FHIP2A: variants seen among roughly 807,000 people sequenced by gnomAD.
FHIP2A encodes FHF complex subunit HOOK interacting protein 2A.
A neutral mutation model predicts 93.5 loss-of-function variants in FHIP2A; 46 were observed. The ratio of observed to expected loss-of-function variants is 0.49; its 90% confidence interval spans 0.39 to 0.63. FHIP2A has a LOEUF of 0.63. Among genes scored for constraint, FHIP2A ranks in the 20% least tolerant of loss-of-function variants. The pLI, the probability that FHIP2A is intolerant of heterozygous loss-of-function variation, is 0.00. For missense variants in FHIP2A, 769 were observed against 909.7 expected, an observed-to-expected ratio of 0.85 and a Z score of 1.99; for synonymous variants, 332 against 326.5, an observed-to-expected ratio of 1.02 and a Z score of -0.18.
chr10:114,832,069 C>T (rs1404692533), intron 2 of FHIP2A, among the ~76,000 whole-genome samples: 1 of 152,048 alleles, frequency 6.6e-6, no homozygotes, highest in African/African-American at 2.4e-5. Context: ...AAAATAGAGA[C>T]ATAAGTAAAG....
intron 16 of FHIP2A, among the ~76,000 whole-genome samples, chr10:114,875,930 AAGAG>A (rs71007498): frequency 6.8e-5 from 10 of 146,312 alleles, no homozygotes; most frequent in Admixed American, 5.5e-4. Context: ...GAAAGAAAGA[AAGAG>A]AAAGAAAAAG....
chr10:114,851,169 C>T (rs1425630616), intron 13 of FHIP2A, among the ~76,000 whole-genome samples: 5 of 152,170 alleles, frequency 3.3e-5, no homozygotes, highest in Admixed American at 6.5e-5. Context: ...CCACCTTGGC[C>T]TCTCAAAGTG....
intron 14 of FHIP2A, among the ~76,000 whole-genome samples, chr10:114,856,787 C>G (rs973570277): frequency 6.6e-6 from 1 of 152,170 alleles, no homozygotes; most frequent in African/African-American, 2.4e-5. Context: ...CATAGCACAG[C>G]GCTGATTCAT....
At chr10:114,843,703 C>G in intron 6 of FHIP2A, 38 bp from the exon 7 acceptor site, 3 of 1,430,930 alleles carry the variant, frequency 2.1e-6, no homozygotes, top group African/African-American at 2.9e-5. Context: ...GATGTATATA[C>G]AATTCAAGAA....
chr10:114,875,427 C>G (rs2083879946), intron 16 of FHIP2A, among the ~76,000 whole-genome samples: 1 of 152,138 alleles, frequency 6.6e-6, no homozygotes, highest in Non-Finnish European at 1.5e-5. Context: ...GGCGCAGTGG[C>G]TCATGCCTGT....
chr10:114,860,737 A>C lies in FHIP2A; in HGVS notation c.1948-12A>C, dbSNP rs377621184. The C allele has an allele frequency of 2.5e-6, 4 of 1,574,870 alleles. No individual in the cohort carries two copies. The highest frequency in any genetic ancestry group is 2.7e-5 in the African/African-American group (2 of 74,018). ...ATTTTTAAATGTCTTTCTGTTTTTT[A>C]TCTCTCCATAGCCATATGATGTAAA... On this transcript the variant is annotated splice_polypyrimidine_tract_variant and intron_variant, in intron 14 of 16. Transcript: ENST00000369248.
chr10:114,855,974 AGAG>A, intron 14 of FHIP2A, among the ~76,000 whole-genome samples: 1 of 152,206 alleles, frequency 6.6e-6, no homozygotes, highest in Non-Finnish European at 1.5e-5. Flanking sequence ...CTTAGTGATG[AGAG>A]AGCTTTGAAA....
Position 114,845,620 on chromosome 10 carries a change from G to A in FHIP2A, c.1128+139G>A, listed in dbSNP as rs2083696328. 4.9e-6 allele frequency: 3 copies of A among 610,542 alleles called. No individual in the cohort carries two copies. In the South Asian group the frequency reaches 6.4e-5, roughly 13 times the overall value. The allele number at this position is 610,542 out of a possible 1,614,324, so 37.8% of individuals were successfully genotyped here. A position where few individuals can be genotyped will look rare whatever the true frequency, so the allele number is the denominator to read the frequency against. ...GTTAGTAAAATAAGTAAACAAAAAAGTGTATATGTGTTTGTATGTGTGTAT... is the reference window on the plus strand; with the variant it reads ...GTTAGTAAAATAAGTAAACAAAAAAATGTATATGTGTTTGTATGTGTGTAT... On this transcript the variant is annotated intron_variant, in intron 8 of 16. Coordinates refer to ENST00000369248, the MANE Select transcript of FHIP2A (RefSeq NM_020940.4).
intron 16 of FHIP2A, among the ~76,000 whole-genome samples, chr10:114,885,465 G>C (rs1477599943): frequency 6.6e-6 from 1 of 151,882 alleles, no homozygotes; most frequent in African/African-American, 2.4e-5. Context: ...TTTTAAGGCT[G>C]GGAATTGTTT....
chr10:114,826,950 C>T (rs920961859), intron 1 of FHIP2A, among the ~76,000 whole-genome samples: 6 of 152,086 alleles, frequency 3.9e-5, no homozygotes, highest in Admixed American at 6.5e-5. Context: ...GCCGAGATCA[C>T]GCCATTGCAC....
At chr10:114,893,698 T>C (rs1319119260) in intron 16 of FHIP2A, among the ~76,000 whole-genome samples, 2 of 152,164 alleles carry the variant, frequency 1.3e-5, no homozygotes, top group Non-Finnish European at 1.5e-5. Context: ...TGTGTGTGTG[T>C]GTCCGTCCCT....
At chr10:114,886,854 G>T (rs917442773) in intron 16 of FHIP2A, among the ~76,000 whole-genome samples, 1 of 151,856 alleles carries the variant, frequency 6.6e-6, no homozygotes, top group African/African-American at 2.4e-5. Flanking sequence ...TGTTTTGTTG[G>T]TTTATTTTAT....
chr10:114,861,309 C>G lies in FHIP2A; in HGVS notation c.2167C>G (p.Leu723Val), dbSNP rs367878183. 3 of 1,614,080 alleles carry G rather than the reference C, an allele frequency of 1.9e-6. No homozygotes were observed. In the African/African-American group the frequency reaches 4.0e-5, roughly 22 times the overall value. ...PKLLLVRKRL[L>V]GLEPEGPIID... ...GCTTCTGTTAGTCAGAAAGCGGTTA[C>G]TTGGTTTGGAACCTGAAGGCCCTAT... Residue 723 changes from leucine (L) to valine (V), a missense_variant, in exon 16 of 17, where the codon CTT becomes GTT. By Grantham distance (32) the Leu-to-Val change is conservative. Coordinates refer to ENST00000369248, the MANE Select transcript of FHIP2A (RefSeq NM_020940.4).
chr10:114,826,807 A>G (rs2083579321), intron 1 of FHIP2A, among the ~76,000 whole-genome samples: 1 of 152,226 alleles, frequency 6.6e-6, no homozygotes, highest in African/African-American at 2.4e-5. Context: ...CAGCCTGACC[A>G]ATATGATGAA....
In FHIP2A at chr10:114,831,256, G is replaced by A. The variant is rs577617700; in HGVS notation, c.124+326G>A. ...ATGTATAGTGTGTCAGATGATAAGC[G>A]TCAAGGGAAAATGAAGCAGGCTAAA... On this transcript the variant is annotated intron_variant, in intron 2 of 16. Transcript: ENST00000369248. Among the ~76,000 whole-genome samples the A allele has an allele frequency of 3.0e-4, 45 of 152,268 alleles. 2 individuals carry two copies. In the South Asian group the frequency reaches 7.7e-3, roughly 26 times the overall value.
chr10:114,847,279 T>A (rs2083707317), intron 12 of FHIP2A, 46 bp downstream of exon 12: 1 of 1,539,940 alleles, frequency 6.5e-7, no homozygotes, highest in Non-Finnish European at 8.9e-7. Flanking sequence ...TTGTTTTTTG[T>A]TTTTGTTTAT....
downstream of FHIP2A, among the ~76,000 whole-genome samples, chr10:114,868,365 C>T (rs1460936607): frequency 6.6e-5 from 10 of 151,952 alleles, no homozygotes; most frequent in Admixed American, 6.6e-4. Context: ...CTAGGTTGTA[C>T]GCTCCTTATA....
chr10:114,870,489 C>G (rs1213906251), intron 16 of FHIP2A, among the ~76,000 whole-genome samples: 2 of 152,142 alleles, frequency 1.3e-5, no homozygotes, highest in Non-Finnish European at 2.9e-5. Flanking sequence ...AAGGCAGGCT[C>G]TACTCTCTTG....
chr10:114,833,410 C>A lies in FHIP2A; in HGVS notation c.294+8C>A. 1 of 1,612,786 alleles carries A rather than the reference C, an allele frequency of 6.2e-7. No homozygotes were observed. The highest frequency in any genetic ancestry group is 1.1e-5 in the South Asian group (1 of 90,940). The stretch of plus-strand genomic sequence containing the variant: ...ACCTTGGGGAAAGCTGATGTAAGTT[C>A]CTGATCCACACCATGTTCTTGGGCA... On this transcript the variant is annotated splice_region_variant and intron_variant, in intron 3 of 16. Coordinates refer to ENST00000369248, the MANE Select transcript of FHIP2A (RefSeq NM_020940.4).
Sources: gnomAD v4.1 joint callset for allele counts (sites outside exome capture counted in the v4.1 genomes callset) on GRCh38, gnomAD v4.1.1 for gene constraint, MANE v1.5 for transcripts, NCBI Gene and HGNC (gene_info 2026-07-23, HGNC 2026-07-21) for gene names.